The following TACR1 variants were observed in gnomAD, a reference collection of about 807,000 sequenced individuals.
The protein encoded by TACR1 is substance-P receptor.
Under a neutral mutation model 35.8 loss-of-function variants are expected in TACR1, and 25 were observed. That is an observed-to-expected ratio of 0.70 (90% CI 0.51 to 0.98). The LOEUF is 0.98. TACR1 is among the 50% of genes least tolerant of loss of function. The pLI is 0.00. For synonymous variants in TACR1, 195 were observed against 206.7 expected, an observed-to-expected ratio of 0.94 and a Z score of 0.48; for missense variants, 478 against 522.9, an observed-to-expected ratio of 0.91 and a Z score of 0.84.
intron 2 of TACR1, among the ~76,000 whole-genome samples, chr2:75,110,402 A>G (rs557243714): frequency 6.6e-6 from 1 of 152,114 alleles, no homozygotes; most frequent in East Asian, 1.9e-4. Flanking sequence ...GTATAGATAA[A>G]TTATTTTAAA....
chr2:75,160,827 A>G (rs1165642270), intron 1 of TACR1, among the ~76,000 whole-genome samples: 1 of 150,546 alleles, frequency 6.6e-6, no homozygotes, highest in East Asian at 1.9e-4. Flanking sequence ...ACACTAAGCA[A>G]AATCAATATA....
intron 2 of TACR1, among the ~76,000 whole-genome samples, chr2:75,111,493 A>G (rs6747886): frequency 0.5 from 76,628 of 151,824 alleles, 20,126 homozygotes; most frequent in Non-Finnish European, 0.56. Flanking sequence ...CTTCACTGCA[A>G]TACTTACTAG....
intron 1 of TACR1, among the ~76,000 whole-genome samples, chr2:75,167,472 A>T (rs1340740796): frequency 6.6e-6 from 1 of 152,222 alleles, no homozygotes; most frequent in Non-Finnish European, 1.5e-5. Flanking sequence ...AAACAACTGT[A>T]ATAAAATGCC....
chr2:75,138,410 A>G (rs528719369), intron 1 of TACR1, among the ~76,000 whole-genome samples: 1 of 152,346 alleles, frequency 6.6e-6, no homozygotes, highest in Non-Finnish European at 1.5e-5. Flanking sequence ...AAAACTACCT[A>G]GCCTGGACTC....
intron 4 of TACR1, chr2:75,050,903 G>T: frequency 3.0e-6 from 1 of 334,634 alleles, no homozygotes; most frequent in East Asian, 7.3e-5. Context: ...CACAGGCCAT[G>T]GCCTGGAGCC....
At chr2:75,058,365 A>G (rs1227307888) in intron 2 of TACR1, among the ~76,000 whole-genome samples, 1 of 152,224 alleles carries the variant, frequency 6.6e-6, no homozygotes, top group Non-Finnish European at 1.5e-5. Flanking sequence ...AGCCAGCACA[A>G]TCTTATTTTG....
chr2:75,051,330 G>C lies in TACR1; in HGVS notation c.853C>G (p.Gln285Glu), dbSNP rs777679973. 2 of 1,614,216 alleles carry C rather than the reference G, an allele frequency of 1.2e-6. No homozygotes were observed. Among genetic ancestry groups the C allele is most frequent in the East Asian group, 2.2e-5 (1 of 44,882 alleles). ...AGCCACATGATGGCCAGGTAGACCT[G>C]CTGGATAAACTTCTTCAGGTAGAGA... Reference protein sequence around the residue: ...PDLYLKKFIQQVYLAIMWLAM... With the variant: ...PDLYLKKFIQEVYLAIMWLAM... The change falls in exon 4 of 5, where the codon CAG becomes GAG. Residue 285 changes from glutamine (Q) to glutamate (E), a missense_variant. Coordinates refer to ENST00000305249, the MANE Select transcript of TACR1 (RefSeq NM_001058.4).
chr2:75,153,533 T>TTTTAC (rs1674721725), intron 1 of TACR1, among the ~76,000 whole-genome samples: 1 of 152,220 alleles, frequency 6.6e-6, no homozygotes, highest in South Asian at 2.1e-4. Context: ...AAGCAGAGCA[T>TTTTAC]AAGGTCTGAT....
chr2:75,169,349 G>C (rs1022741537), intron 1 of TACR1, among the ~76,000 whole-genome samples: 2 of 152,118 alleles, frequency 1.3e-5, no homozygotes, highest in African/African-American at 4.8e-5. Flanking sequence ...TCTAAGAAAA[G>C]GATGTGATGG....
intron 2 of TACR1, among the ~76,000 whole-genome samples, chr2:75,089,511 G>C (rs972430133): frequency 6.6e-6 from 1 of 152,174 alleles, no homozygotes; most frequent in Admixed American, 6.5e-5. Context: ...CATCACTCTT[G>C]CTTGAAAGTA....
intron 2 of TACR1, among the ~76,000 whole-genome samples, chr2:75,096,927 T>C (rs1673435465): frequency 6.6e-6 from 1 of 152,224 alleles, no homozygotes; most frequent in Admixed American, 6.5e-5. Context: ...TACACCTCTT[T>C]CAGGACTTTG....
chr2:75,140,889 G>A (rs887558198), intron 1 of TACR1, among the ~76,000 whole-genome samples: 1 of 152,180 alleles, frequency 6.6e-6, no homozygotes, highest in African/African-American at 2.4e-5. Flanking sequence ...TAACAGTCTT[G>A]ATGAAGCCCA....
In TACR1 at chr2:75,049,452, A is replaced by G; in HGVS notation, c.1204T>C (p.Ser402Pro). 6.2e-7 allele frequency: 1 copy of G among 1,613,684 alleles called. No homozygotes were observed. The highest frequency in any genetic ancestry group is 8.5e-7 in the Non-Finnish European group (1 of 1,179,614). ...GTGGCCTAGGAGAGCACATTGGAGG[A>G]GAAGCTGAAGCTCTCTGTCATGGTC... Reference protein sequence around the residue: ...SKTMTESFSFSSNVLS With the variant: ...SKTMTESFSFPSNVLS The change falls in exon 5 of 5, where the codon TCC (serine) becomes CCC (proline). Residue 402 changes from serine to proline, a missense_variant. By Grantham distance (74) the Ser-to-Pro change is moderately conservative. Coordinates refer to ENST00000305249, the MANE Select transcript of TACR1 (RefSeq NM_001058.4).
At chr2:75,070,664 C>G (rs1029444719) in intron 2 of TACR1, among the ~76,000 whole-genome samples, 1 of 152,150 alleles carries the variant, frequency 6.6e-6, no homozygotes. Context: ...TTCATGGGTT[C>G]AAGAATTTTT....
At chr2:75,051,551 C>G in intron 3 of TACR1, 104 bp from the exon 4 acceptor site, 1 of 1,531,662 alleles carries the variant, frequency 6.5e-7, no homozygotes, top group Non-Finnish European at 8.8e-7. Flanking sequence ...TGGGATGAAG[C>G]GAGAAGTATT....
intron 2 of TACR1, among the ~76,000 whole-genome samples, chr2:75,056,300 A>G (rs907266738): frequency 1.3e-5 from 2 of 152,188 alleles, no homozygotes; most frequent in African/African-American, 4.8e-5. Context: ...GATGCCTTTC[A>G]TATGCAAACT....
chr2:75,064,533 A>C (rs1672729704), intron 2 of TACR1, among the ~76,000 whole-genome samples: 1 of 152,194 alleles, frequency 6.6e-6, no homozygotes, highest in South Asian at 2.1e-4. Flanking sequence ...AACAAGAAAA[A>C]GGGAAAAAGA....
At chr2:75,080,226 T>C (rs1402216905) in intron 2 of TACR1, among the ~76,000 whole-genome samples, 1 of 152,130 alleles carries the variant, frequency 6.6e-6, no homozygotes, top group Non-Finnish European at 1.5e-5. Context: ...AAACGTCCCT[T>C]TGAAATGTGC....
At chr2:75,070,491 A>G (rs1325151180) in intron 2 of TACR1, among the ~76,000 whole-genome samples, 2 of 152,202 alleles carry the variant, frequency 1.3e-5, no homozygotes, top group African/African-American at 4.8e-5. Flanking sequence ...CAGAGTGAGT[A>G]AAATTATCCT....
Sources: allele counts gnomAD v4.1 joint callset (sites outside exome capture counted in the v4.1 genomes callset), GRCh38; gene constraint gnomAD v4.1.1; transcripts MANE v1.5; gene names NCBI Gene and HGNC (gene_info 2026-07-23, HGNC 2026-07-21).